DHX15: variants seen among roughly 807,000 people sequenced by gnomAD.
DHX15 encodes the protein ATP-dependent RNA helicase DHX15.
Under a neutral mutation model 94.4 loss-of-function variants are expected in DHX15, and 11 were observed. That is an observed-to-expected ratio of 0.12 (90% confidence interval 0.07 to 0.19). The LOEUF is 0.19. Among genes scored for constraint, DHX15 ranks in the 10% least tolerant of loss-of-function variants. DHX15 has a pLI of 1.00. For missense variants in DHX15, 304 were observed against 988.5 expected, an observed-to-expected ratio of 0.31 and a Z score of 9.29; for synonymous variants, 338 against 329.9, an observed-to-expected ratio of 1.02 and a Z score of -0.27.
chr4:24,547,926 TATATATATATATATATCTATATCTATATC>T (rs1721476591), intron 6 of DHX15, among the ~76,000 whole-genome samples: 1 of 54,690 alleles, frequency 1.8e-5, no homozygotes, highest in African/African-American at 8.4e-5. Context: ...TATATATATA[TATATATATATATATATCTATATCTATATC>T]TATATCTATC....
In DHX15 at chr4:24,584,471, A is replaced by C; in HGVS notation, c.-78T>G. ...GGGCACAGTCGAGGACAGCCACTTA[A>C]CTCTGGAGGACCCCCACCCCTCCCG... is the stretch of plus-strand genomic sequence containing the variant. On this transcript the variant is annotated 5_prime_UTR_variant, in exon 1 of 14. Coordinates refer to ENST00000336812, the MANE Select transcript of DHX15 (RefSeq NM_001358.3). 1.5e-6 allele frequency: 2 copies of C among 1,365,866 alleles called. No individual in the cohort carries two copies. The highest frequency in any genetic ancestry group is 2.7e-5 in the East Asian group (1 of 36,956). 84.6% of individuals were successfully genotyped at this position (1,365,866 alleles called of 1,614,324 possible).
chr4:24,580,458 T>A (rs1722385516), intron 1 of DHX15, among the ~76,000 whole-genome samples: 1 of 150,754 alleles, frequency 6.6e-6, no homozygotes, highest in Admixed American at 6.6e-5. Context: ...GAAGTACTGC[T>A]AAGGAAGACA....
At chr4:24,583,879 G>A (rs909022700) in intron 1 of DHX15, among the ~76,000 whole-genome samples, 3 of 152,062 alleles carry the variant, frequency 2.0e-5, no homozygotes, top group East Asian at 1.9e-4. Context: ...CCCCACCCAG[G>A]CCCTCCCCAC....
chr4:24,568,442 G>A (rs1044472345), intron 3 of DHX15, among the ~76,000 whole-genome samples: 27 of 152,154 alleles, frequency 1.8e-4, no homozygotes, highest in African/African-American at 6.0e-4. Context: ...TCTTAAGTAA[G>A]CTTTTACAAG....
chr4:24,547,351 T>C (rs1721446809), intron 6 of DHX15, among the ~76,000 whole-genome samples: 1 of 152,212 alleles, frequency 6.6e-6, no homozygotes, highest in Non-Finnish European at 1.5e-5. Context: ...CACTGCTGAG[T>C]CACTCTTTTC....
At chr4:24,565,769 G>C (rs923897846) in intron 3 of DHX15, among the ~76,000 whole-genome samples, 1 of 152,160 alleles carries the variant, frequency 6.6e-6, no homozygotes, top group Non-Finnish European at 1.5e-5. Flanking sequence ...ACCAACAGCA[G>C]CAAGAATCAG....
At chr4:24,564,535 T>G (rs1409118066) in intron 3 of DHX15, among the ~76,000 whole-genome samples, 1 of 152,192 alleles carries the variant, frequency 6.6e-6, no homozygotes, top group African/African-American at 2.4e-5. Flanking sequence ...CTGTGAAATC[T>G]CTATACATTC....
At chr4:24,528,105 T>A in intron 13 of DHX15, 64 bp from the exon 14 acceptor site, 1 of 1,106,204 alleles carries the variant, frequency 9.0e-7, no homozygotes, top group Admixed American at 1.7e-5. Context: ...GAGTTGTTAA[T>A]AGGATAGGCA....
Position 24,542,827 on chromosome 4 carries a change from TAAAA to T in DHX15, c.1335+109_1335+112del, listed in dbSNP as rs957364592. ...GGTTCATACAGCAGAAATTTGCAAA[TAAAA>T]AAAAAGATAGGAAAATAATTCTGAA... On this transcript the variant is annotated intron_variant, in intron 7 of 13. Transcript: ENST00000336812. 11 of 769,728 alleles carry T rather than the reference TAAAA, an allele frequency of 1.4e-5. No individual in the cohort carries two copies. The African/African-American group carries it at 2.0e-4, about 14-fold the overall frequency. 47.7% of individuals were successfully genotyped at this position (769,728 alleles called of 1,614,324 possible).
At chr4:24,543,565 G>A (rs929191634) in intron 6 of DHX15, among the ~76,000 whole-genome samples, 12 of 151,994 alleles carry the variant, frequency 7.9e-5, no homozygotes, top group Admixed American at 3.3e-4. Flanking sequence ...TAAATATTTC[G>A]GTAAGTGCAT....
intron 13 of DHX15, among the ~76,000 whole-genome samples, chr4:24,528,810 T>C (rs1721016425): frequency 6.6e-6 from 1 of 152,118 alleles, no homozygotes; most frequent in East Asian, 1.9e-4. Context: ...CAAAGAGCTA[T>C]CATTTTTATG....
rs1385820391 is a variant in DHX15, at chr4:24,584,463, GCCACTTAACTCTGGAGGACCC to G, written c.-91_-71del. ...TGCTGTATGGGCACAGTCGAGGACAGCCACTTAACTCTGGAGGACCCCCACCCCTCCCGCTACTACAGCCCA... is the reference window on the plus strand; with the variant it reads ...TGCTGTATGGGCACAGTCGAGGACAGCCACCCCTCCCGCTACTACAGCCCA... On this transcript the variant is annotated 5_prime_UTR_variant, in exon 1 of 14. Transcript: ENST00000336812. 59 of 1,469,054 alleles carry G rather than the reference GCCACTTAACTCTGGAGGACCC, an allele frequency of 4.0e-5. No homozygotes were observed. The highest frequency in any genetic ancestry group is 8.5e-5 in the African/African-American group (6 of 70,262). The allele number at this position is 1,469,054 out of a possible 1,614,324, so 91.0% of individuals were successfully genotyped here. A position where few individuals can be genotyped will look rare whatever the true frequency, so the allele number is the denominator to read the frequency against.
Position 24,576,830 on chromosome 4 carries a change from C to A in DHX15, c.72-152G>T, listed in dbSNP as rs1306671219. 5.8e-6 allele frequency: 7 copies of A among 1,215,578 alleles called. No homozygotes were observed. In the Admixed American group the frequency reaches 8.6e-5, roughly 15 times the overall value. 75.3% of individuals were successfully genotyped at this position (1,215,578 alleles called of 1,614,324 possible). ...ATCAGAAATAATAAAAAATACCCTACAATCAAGGGTTTCCCATTCTCCACC... is the reference window on the plus strand; with the variant it reads ...ATCAGAAATAATAAAAAATACCCTAAAATCAAGGGTTTCCCATTCTCCACC... On this transcript the variant is annotated intron_variant, in intron 1 of 13. Transcript: ENST00000336812.
intron 5 of DHX15, among the ~76,000 whole-genome samples, chr4:24,551,865 T>C (rs1052377206): frequency 1.3e-5 from 2 of 152,312 alleles, no homozygotes; most frequent in Middle Eastern, 6.8e-3. Context: ...GTGCTTAAAT[T>C]AGACATTTGC....
In DHX15 at chr4:24,529,679, G is replaced by C. The variant is rs1721035264; in HGVS notation, c.2192C>G (p.Pro731Arg). The C allele has an allele frequency of 6.2e-7, 1 of 1,614,024 alleles. No homozygotes were observed. Among genetic ancestry groups the C allele is most frequent in the African/African-American group, 1.3e-5 (1 of 74,920 alleles). Reference protein sequence around the residue: ...LHPSTVLDHKPEWVLYNEFVL... With the variant: ...LHPSTVLDHKREWVLYNEFVL... ...AAACTCATTATAAAGCACCCATTCAGGTTTGTGGTCAAGAACAGTAGAGGG... is the reference window on the plus strand; with the variant it reads ...AAACTCATTATAAAGCACCCATTCACGTTTGTGGTCAAGAACAGTAGAGGG... Residue 731 changes from proline (P) to arginine (R), a missense_variant, in exon 13 of 14, where the codon CCT becomes CGT. Transcript: ENST00000336812.
intron 3 of DHX15, among the ~76,000 whole-genome samples, chr4:24,565,320 C>T (rs1448915379): frequency 9.9e-5 from 15 of 152,202 alleles, no homozygotes; most frequent in Admixed American, 9.2e-4. Context: ...TAGAATTCTA[C>T]TTCTAGGGTG....
In DHX15 at chr4:24,554,874, T is replaced by C; in HGVS notation, c.931A>G (p.Thr311Ala). 6.2e-7 allele frequency: 1 copy of C among 1,613,754 alleles called. No homozygotes were observed. The highest frequency in any genetic ancestry group is 8.5e-7 in the Non-Finnish European group (1 of 1,179,862). The change falls in exon 5 of 14, where the codon ACT (threonine) becomes GCT (alanine). Residue 311 changes from threonine to alanine, a missense_variant. Around this residue, in one of 9 missense-constraint regions of DHX15, gnomAD observed 29 missense variants for 181.6 expected, o/e 0.16. Transcript: ENST00000336812. ...ACAGGATGTGTACGCCCAGGAATAG[T>C]TAGGAGAGGACAGTTATCAAAGTAA... ...QIYFDNCPLL[T>A]IPGRTHPVEI...
At chr4:24,539,808 G>C (rs571610721) in intron 10 of DHX15, 10 of 202,642 alleles carry the variant, frequency 4.9e-5, no homozygotes, top group Admixed American at 4.1e-4. Flanking sequence ...CACAAAGATA[G>C]CAGTGATGGA....
chr4:24,549,376 A>G (rs1174004896), intron 5 of DHX15, among the ~76,000 whole-genome samples: 1 of 152,214 alleles, frequency 6.6e-6, no homozygotes, highest in Non-Finnish European at 1.5e-5. Flanking sequence ...TTCACAATCT[A>G]AAAGAAATTG....
Sources: gnomAD v4.1 joint callset for allele counts (sites outside exome capture counted in the v4.1 genomes callset) on GRCh38, gnomAD v4.1.1 for gene constraint, gnomAD v4.1.1 regional missense constraint, MANE v1.5 for transcripts, NCBI Gene and HGNC (gene_info 2026-07-23, HGNC 2026-07-21) for gene names.